Variants in SEC23IP observed in about 807,000 individuals in gnomAD.
The protein encoded by SEC23IP is SEC23 interacting protein.
A neutral mutation model predicts 113.4 loss-of-function variants in SEC23IP; 70 were observed. The ratio of observed to expected loss-of-function variants is 0.62; its 90% CI spans 0.51 to 0.75. The LOEUF (loss-of-function observed/expected upper bound fraction) is 0.75. Among genes scored for constraint, SEC23IP ranks in the 30% least tolerant of loss-of-function variants. The pLI is 0.00. For missense variants in SEC23IP, 1,160 were observed against 1,204.9 expected, an observed-to-expected ratio of 0.96 and a Z score of 0.55; for synonymous variants, 398 against 421.0, an observed-to-expected ratio of 0.95 and a Z score of 0.67.
intron 8 of SEC23IP, among the ~76,000 whole-genome samples, 180 bp from the exon 9 acceptor site, chr10:119,917,656 G>A (rs1243392769): frequency 6.6e-6 from 1 of 152,146 alleles, no homozygotes; most frequent in Non-Finnish European, 1.5e-5. Flanking sequence ...TGGGATTACA[G>A]GTGTGAGCCA....
intron 6 of SEC23IP, chr10:119,914,364 A>G: frequency 4.5e-6 from 1 of 221,248 alleles, no homozygotes; most frequent in Non-Finnish European, 9.1e-6. Flanking sequence ...TGTTTCTTGT[A>G]AAATAAATAC....
intron 2 of SEC23IP, among the ~76,000 whole-genome samples, chr10:119,900,723 G>A (rs61870590): frequency 0.054 from 8,274 of 152,162 alleles, 415 homozygotes; most frequent in South Asian, 0.26. Flanking sequence ...GCCTACCAAA[G>A]TGCTGGGATT....
At chr10:119,911,894 C>T (rs1854875715) in intron 5 of SEC23IP, 150 bp from the exon 6 acceptor site, 1 of 824,462 alleles carries the variant, frequency 1.2e-6, no homozygotes, top group East Asian at 2.6e-5. Flanking sequence ...ACTAGCAAGA[C>T]TCCTTCAAAG....
intron 7 of SEC23IP, 79 bp downstream of exon 7, chr10:119,914,898 A>G (rs984256220): frequency 2.2e-6 from 3 of 1,345,202 alleles, no homozygotes; most frequent in Non-Finnish European, 3.2e-6. Context: ...TTTTTAGGAT[A>G]GTTCCCAGCT....
At chr10:119,928,269 AC>A (rs781168465) in intron 13 of SEC23IP, among the ~76,000 whole-genome samples, 17 of 151,914 alleles carry the variant, frequency 1.1e-4, no homozygotes, top group Middle Eastern at 3.4e-3. Flanking sequence ...TTTTTCCTTT[AC>A]TGACATTTAT....
At chr10:119,907,086 T>G (rs1854696484) in intron 4 of SEC23IP, among the ~76,000 whole-genome samples, 1 of 151,552 alleles carries the variant, frequency 6.6e-6, no homozygotes, top group Non-Finnish European at 1.5e-5. Context: ...TGCTTGAGAT[T>G]AGGATTTCGA....
intron 1 of SEC23IP, among the ~76,000 whole-genome samples, chr10:119,895,758 G>T (rs748621771): frequency 1.5e-4 from 23 of 152,138 alleles, no homozygotes; most frequent in Non-Finnish European, 2.6e-4. Flanking sequence ...GGAGTTAGTG[G>T]TTGGTGGAAT....
chr10:119,913,187 T>C (rs916611485), intron 6 of SEC23IP, among the ~76,000 whole-genome samples: 1 of 152,154 alleles, frequency 6.6e-6, no homozygotes, highest in African/African-American at 2.4e-5. Flanking sequence ...TCTTTATCTT[T>C]AAATTTGGAA....
At position 119,942,725 on chromosome 10, in the gene SEC23IP, T is replaced by A. The variant is rs1251931018; in HGVS notation, c.*2160T>A. 3 of 152,326 alleles carry A rather than the reference T, an allele frequency of 2.0e-5. No homozygotes were observed. The highest frequency in any genetic ancestry group is 3.9e-4 in the East Asian group (2 of 5,194). 9.4% of individuals were successfully genotyped at this position (152,326 alleles called of 1,614,324 possible). A position where few individuals can be genotyped will look rare whatever the true frequency, so the allele number is the denominator to read the frequency against. On this transcript the variant is annotated 3_prime_UTR_variant, in exon 19 of 19. Transcript: ENST00000369075. ...GGTGAAAGAGTCATCACAGTACTGATGAAGACACCCAGGCCTCGTCAGCTA... is the reference window on the plus strand; with the variant it reads ...GGTGAAAGAGTCATCACAGTACTGAAGAAGACACCCAGGCCTCGTCAGCTA...
At chr10:119,928,466 A>T (rs964906395) in intron 13 of SEC23IP, among the ~76,000 whole-genome samples, 2 of 152,218 alleles carry the variant, frequency 1.3e-5, no homozygotes, top group Admixed American at 1.3e-4. Flanking sequence ...GGGGCAGCTT[A>T]GTGTAGTAGA....
Position 119,915,882 on chromosome 10 carries a change from G to A in SEC23IP, c.1537G>A (p.Val513Met). The change falls in exon 8 of 19, where the codon GTG (valine) becomes ATG (methionine). Residue 513 changes from valine (V) to methionine (M), a missense_variant. By Grantham distance (21) the Val-to-Met change is conservative. Transcript: ENST00000369075. ...TTCTTTGGGTGGGGACGCCACAGGT[G>A]TGGACAGGTTTGTGGATTTTGATAA... is the stretch of plus-strand genomic sequence containing the variant. ...HSSLGGDATG[V>M]DRNIKKITLP... The A allele has an allele frequency of 6.5e-7, 1 of 1,541,036 alleles. No individual in the cohort carries two copies. The highest frequency in any genetic ancestry group is 1.3e-5 in the South Asian group (1 of 76,628).
At chr10:119,909,961 T>C (rs748977429) in intron 5 of SEC23IP, among the ~76,000 whole-genome samples, 10 of 152,210 alleles carry the variant, frequency 6.6e-5, no homozygotes, top group Non-Finnish European at 1.0e-4. Context: ...TAGTATGCAA[T>C]GTAGAAGTTG....
Position 119,898,822 on chromosome 10 carries a change from C to T in SEC23IP, c.559C>T (p.Pro187Ser), listed in dbSNP as rs1854378241. ...QPGYNPYRHT[P>S]GSSRANPYIA... The stretch of plus-strand genomic sequence containing the variant: ...AGGATACAATCCATATCGCCATACC[C>T]CTGGCAGCAGCAGGGCTAATCCTTA... Residue 187 changes from proline (P) to serine (S), a missense_variant, in exon 2 of 19, where the codon CCT becomes TCT. By Grantham distance (74) the Pro-to-Ser change is moderately conservative. Coordinates refer to ENST00000369075, the MANE Select transcript of SEC23IP (RefSeq NM_007190.4). The T allele has an allele frequency of 1.2e-6, 2 of 1,614,078 alleles. No individual in the cohort carries two copies. Among genetic ancestry groups the T allele is most frequent in the Non-Finnish European group, 1.7e-6 (2 of 1,180,030 alleles).
At position 119,940,337 on chromosome 10, in the gene SEC23IP, G is replaced by A. The variant is rs541039133; in HGVS notation, c.*21-249G>A. Among the ~76,000 whole-genome samples, 8 of 151,918 alleles carry A rather than the reference G, an allele frequency of 5.3e-5. No individual in the cohort carries two copies. The South Asian group carries it at 1.2e-3, about 24-fold the overall frequency. On this transcript the variant is annotated intron_variant, in intron 18 of 18. Coordinates refer to ENST00000369075, the MANE Select transcript of SEC23IP (RefSeq NM_007190.4). ...AGAGTAGCTGGGATTACAGGCACCC[G>A]CCACCATGCCCAGCTAATTTTTTGT...
At chr10:119,922,728 A>G (rs1041048105) in intron 12 of SEC23IP, among the ~76,000 whole-genome samples, 1 of 152,194 alleles carries the variant, frequency 6.6e-6, no homozygotes, top group African/African-American at 2.4e-5. Context: ...AGTGCTGAGA[A>G]AGGTTATTAG....
intron 5 of SEC23IP, among the ~76,000 whole-genome samples, chr10:119,911,401 C>T (rs1008238042): frequency 2.0e-5 from 3 of 151,892 alleles, no homozygotes; most frequent in African/African-American, 4.8e-5. Flanking sequence ...GTTAGGATTA[C>T]AGGCATGAGC....
chr10:119,926,282 A>G, intron 13 of SEC23IP, 55 bp downstream of exon 13: 1 of 1,477,888 alleles, frequency 6.8e-7, no homozygotes, highest in Admixed American at 2.0e-5. Flanking sequence ...CATAATCTTT[A>G]TCATTTGGGT....
At chr10:119,915,343 A>G (rs1855014967) in intron 7 of SEC23IP, among the ~76,000 whole-genome samples, 1 of 151,970 alleles carries the variant, frequency 6.6e-6, no homozygotes, top group Admixed American at 6.6e-5. Context: ...CTAATGAGGA[A>G]CTGAGGCCTG....
At chr10:119,917,806 T>C in intron 8 of SEC23IP, 30 bp from the exon 9 acceptor site, 1 of 1,549,680 alleles carries the variant, frequency 6.5e-7, no homozygotes, top group African/African-American at 1.4e-5. Flanking sequence ...AGATGCTGAC[T>C]GAATGTGCTG....
Sources: allele counts gnomAD v4.1 joint callset (sites outside exome capture counted in the v4.1 genomes callset), GRCh38; gene constraint gnomAD v4.1.1; transcripts MANE v1.5; gene names NCBI Gene and HGNC (gene_info 2026-07-23, HGNC 2026-07-21).